Variants in RALYL observed in about 807,000 individuals in gnomAD.
The protein encoded by RALYL is RNA-binding Raly-like protein.
A neutral mutation model predicts 35.1 loss-of-function variants in RALYL; 29 were observed. The observed-to-expected ratio is 0.83, with a 90% CI of 0.61 to 1.13. The LOEUF is 1.13. RALYL is among the 50% of genes most tolerant of loss of function. The pLI is 0.00. For synonymous variants in RALYL, 120 were observed against 127.6 expected (o/e 0.94, Z 0.40); for missense variants, 359 against 360.4 (o/e 1.00, Z 0.03).
At chr8:84,425,513 C>T (rs1337620436) in intron 1 of RALYL, among the ~76,000 whole-genome samples, 6 of 152,202 alleles carry the variant, frequency 3.9e-5, no homozygotes, top group East Asian at 3.9e-4. Flanking sequence ...CCGTCTTCTG[C>T]GTCGCTCACG....
intron 8 of RALYL, among the ~76,000 whole-genome samples, chr8:84,908,420 T>C (rs998522451): frequency 2.0e-5 from 3 of 152,164 alleles, no homozygotes; most frequent in Non-Finnish European, 4.4e-5. Flanking sequence ...ACCTCTGTTT[T>C]AGATTCCACA....
chr8:84,413,271 G>T (rs2132215052), intron 1 of RALYL, among the ~76,000 whole-genome samples: 2 of 151,166 alleles, frequency 1.3e-5, no homozygotes, highest in East Asian at 1.9e-4. Flanking sequence ...AATATTTTTT[G>T]ATTATTTTTA....
At chr8:84,519,903 C>A (rs2058335365) in intron 1 of RALYL, among the ~76,000 whole-genome samples, 1 of 152,156 alleles carries the variant, frequency 6.6e-6, no homozygotes, top group South Asian at 2.1e-4. Context: ...GTAATGGAGT[C>A]CCATGGTCCT....
At chr8:84,324,630 A>T (rs531620948) in intron 1 of RALYL, among the ~76,000 whole-genome samples, 69 of 149,594 alleles carry the variant, frequency 4.6e-4, no homozygotes, top group Non-Finnish European at 7.4e-4. Flanking sequence ...TTATTTTTTT[A>T]AAAAATTAAT....
chr8:84,372,892 T>TTTTTTTTGTTTTGTTTTG (rs1563809020), intron 1 of RALYL, among the ~76,000 whole-genome samples: 9 of 122,088 alleles, frequency 7.4e-5, no homozygotes, highest in Non-Finnish European at 1.4e-4. Flanking sequence ...ATCTGTTTTT[T>TTTTTTTTGTTTTGTTTTG]TTTTTTTTTT....
intron 1 of RALYL, among the ~76,000 whole-genome samples, chr8:84,372,785 T>G (rs1164048398): frequency 6.6e-6 from 1 of 151,434 alleles, no homozygotes; most frequent in Non-Finnish European, 1.5e-5. Context: ...TTTAGGTCTT[T>G]GAGGAATCAC....
chr8:84,427,830 C>G lies in RALYL; in HGVS notation c.-23-101469C>G, dbSNP rs192903634. Among the ~76,000 whole-genome samples the G allele has an allele frequency of 2.0e-3, 308 of 152,286 alleles. 1 individual carries two copies. The highest frequency in any genetic ancestry group is 1.6e-3 in the Non-Finnish European group (106 of 68,014). ...TTTTCACATTGTCTTGTAATTATCT[C>G]TCTCTCCCCTCCTCACCTGTGTTGA... is the stretch of plus-strand genomic sequence containing the variant. On this transcript the variant is annotated intron_variant, in intron 1 of 8. Transcript: ENST00000521268.
chr8:84,842,796 A>T (rs936762037), intron 4 of RALYL, among the ~76,000 whole-genome samples: 1 of 152,188 alleles, frequency 6.6e-6, no homozygotes, highest in Non-Finnish European at 1.5e-5. Context: ...CATCCCTGGG[A>T]TGCAAGGCTG....
In RALYL at chr8:84,463,891, GT is replaced by G. The variant is rs1292479317; in HGVS notation, c.-23-65407del. Among the ~76,000 whole-genome samples the G allele has an allele frequency of 5.3e-5, 8 of 151,860 alleles. No individual in the cohort carries two copies. In the East Asian group the frequency reaches 1.4e-3, roughly 26 times the overall value. ...GCCATCACCCCATATATTTCCACTT[GT>G]CTCTTTGTTTTTTATGCCTGGCAAC... On this transcript the variant is annotated intron_variant, in intron 1 of 8. Coordinates refer to ENST00000521268, the MANE Select transcript of RALYL (RefSeq NM_173848.7).
chr8:84,433,431 AG>A (rs1299746933), intron 1 of RALYL, among the ~76,000 whole-genome samples: 1 of 152,288 alleles, frequency 6.6e-6, no homozygotes, highest in Admixed American at 6.5e-5. Flanking sequence ...CACCTAAAAC[AG>A]GACGATGTTT....
chr8:84,724,277 C>T (rs1844536148), intron 2 of RALYL, among the ~76,000 whole-genome samples: 1 of 151,660 alleles, frequency 6.6e-6, no homozygotes, highest in Non-Finnish European at 1.5e-5. Flanking sequence ...AATCAGTAGT[C>T]TTCATTCACA....
intron 2 of RALYL, among the ~76,000 whole-genome samples, chr8:84,634,001 C>T (rs931884429): frequency 2.0e-5 from 3 of 151,820 alleles, no homozygotes; most frequent in African/African-American, 7.2e-5. Context: ...TAACTTAGTA[C>T]AGTTCCTGTC....
intron 2 of RALYL, among the ~76,000 whole-genome samples, chr8:84,630,990 G>A (rs1823794746): frequency 6.6e-6 from 1 of 151,930 alleles, no homozygotes; most frequent in African/African-American, 2.4e-5. Flanking sequence ...ACAACAGACA[G>A]GTGAACCTGA....
chr8:84,441,944 A>C, intron 1 of RALYL, among the ~76,000 whole-genome samples: 1 of 152,130 alleles, frequency 6.6e-6, no homozygotes, highest in Non-Finnish European at 1.5e-5. Flanking sequence ...GCCCACAGCC[A>C]CATATAGGTA....
In RALYL at chr8:84,620,702, G is replaced by GT. The variant is rs1238895227; in HGVS notation, c.256+91131dup. On this transcript the variant is annotated intron_variant, in intron 2 of 8. Transcript: ENST00000521268. ...TTAGAGTTTCCAGTTTTTCTGTTCT[G>GT]TTTTTTCCCCATCTTTGTGGTTTTA... Among the ~76,000 whole-genome samples, 437 of 151,850 alleles carry GT rather than the reference G, an allele frequency of 2.9e-3. 3 individuals carry two copies. The highest frequency in any genetic ancestry group is 2.0e-3 in the Non-Finnish European group (134 of 67,808).
chr8:84,275,458 C>T (rs533183424), intron 1 of RALYL, among the ~76,000 whole-genome samples: 3 of 151,016 alleles, frequency 2.0e-5, no homozygotes, highest in Admixed American at 1.3e-4. Flanking sequence ...GTATTATGTA[C>T]AGCATGATGT....
intron 1 of RALYL, among the ~76,000 whole-genome samples, chr8:84,444,965 A>G (rs2048707932): frequency 6.6e-6 from 1 of 152,086 alleles, no homozygotes; most frequent in Non-Finnish European, 1.5e-5. Flanking sequence ...ACAGTGAATT[A>G]AGTACCAGGA....
chr8:84,752,809 T>C (rs1172447192), intron 2 of RALYL, among the ~76,000 whole-genome samples: 1 of 152,226 alleles, frequency 6.6e-6, no homozygotes, highest in East Asian at 1.9e-4. Flanking sequence ...CTTGGGAGCC[T>C]CTGCCTAGAT....
intron 2 of RALYL, among the ~76,000 whole-genome samples, chr8:84,587,985 T>A (rs930029337): frequency 6.6e-6 from 1 of 152,164 alleles, no homozygotes; most frequent in Non-Finnish European, 1.5e-5. Flanking sequence ...AAGAGTATGA[T>A]GGCATTTCAT....
Sources: allele counts gnomAD v4.1 joint callset (sites outside exome capture counted in the v4.1 genomes callset), GRCh38; gene constraint gnomAD v4.1.1; transcripts MANE v1.5; gene names NCBI Gene and HGNC (gene_info 2026-07-23, HGNC 2026-07-21).